Variants in PPCS observed in about 807,000 individuals in gnomAD.
PPCS encodes the protein phosphopantothenate--cysteine ligase.
PPCS carries 17 observed loss-of-function variants against 24.6 expected under a neutral mutation model. That is an observed-to-expected ratio of 0.69 (90% CI 0.47 to 1.04). The LOEUF is 1.04. Among genes scored for constraint, PPCS ranks in the 50% least tolerant of loss-of-function variants. The probability of loss-of-function intolerance (pLI) is 0.00; values close to 1 mark genes in which losing one functional copy is unlikely to be tolerated. For missense variants in PPCS, 360 were observed against 402.8 expected (o/e 0.89, Z 0.91); for synonymous variants, 190 against 168.3 (o/e 1.13, Z -1.00).
chr1:42,473,280 A>G, exon 3 of PPCS: 1 of 1,231,438 alleles, frequency 8.1e-7, no homozygotes, highest in Non-Finnish European at 1.0e-6. Flanking sequence ...GCTTATAGTG[A>G]AGCACATGGG....
chr1:42,469,679 T>G (rs1450774329), intron 2 of PPCS, among the ~76,000 whole-genome samples: 1 of 151,994 alleles, frequency 6.6e-6, no homozygotes, highest in Admixed American at 6.6e-5. Context: ...ATCAGGAGGA[T>G]GGGAAGCTCT....
At chr1:42,472,502 G>A (rs763988744) in intron 2 of PPCS, among the ~76,000 whole-genome samples, 2 of 152,088 alleles carry the variant, frequency 1.3e-5, no homozygotes, top group Non-Finnish European at 2.9e-5. Context: ...AGAATTAGGG[G>A]CCTCTCTAGC....
intron 2 of PPCS, among the ~76,000 whole-genome samples, chr1:42,466,698 C>T (rs1357156127): frequency 6.6e-6 from 1 of 151,714 alleles, no homozygotes; most frequent in African/African-American, 2.4e-5. Context: ...ATTACAGGCA[C>T]CCGCCACCAT....
rs556040209 is a variant in PPCS at position 42,473,162 on chromosome 1, A to G, written n.418A>G. On this transcript the variant is annotated non_coding_transcript_exon_variant, in exon 3 of 3. Transcript: ENST00000471420. ...GAAGACATACTTCACCATCTTGAAA[A>G]AGAAGAAATCAATCCCCTTGCTACT... is the stretch of plus-strand genomic sequence containing the variant. The G allele has an allele frequency of 2.0e-5, 24 of 1,230,692 alleles. 1 individual carries two copies. In the African/African-American group the frequency reaches 2.8e-4, roughly 14 times the overall value. 76.2% of individuals were successfully genotyped at this position (1,230,692 alleles called of 1,614,324 possible).
chr1:42,468,312 A>C (rs1352604534), intron 2 of PPCS, among the ~76,000 whole-genome samples: 1 of 152,244 alleles, frequency 6.6e-6, no homozygotes, highest in Non-Finnish European at 1.5e-5. Context: ...CATCCATGGC[A>C]TGTGGTTTCC....
exon 3 of PPCS, chr1:42,473,337 C>T: frequency 8.8e-7 from 1 of 1,141,148 alleles, no homozygotes; most frequent in Non-Finnish European, 1.1e-6. Context: ...TTAAAGACAC[C>T]TGTGATTTTG....
chr1:42,472,066 C>A (rs1643786624), intron 2 of PPCS, among the ~76,000 whole-genome samples: 1 of 151,962 alleles, frequency 6.6e-6, no homozygotes, highest in Non-Finnish European at 1.5e-5. Context: ...CGAGCCTGAC[C>A]AACATGGTGA....
chr1:42,465,039 G>A (rs1569652244), downstream of PPCS, among the ~76,000 whole-genome samples: 1 of 152,214 alleles, frequency 6.6e-6, no homozygotes, highest in Non-Finnish European at 1.5e-5. Flanking sequence ...ATGCTATATT[G>A]TAAGGGGCTT....
intron 2 of PPCS, among the ~76,000 whole-genome samples, chr1:42,471,474 T>C (rs564101507): frequency 2.6e-5 from 4 of 152,374 alleles, no homozygotes; most frequent in East Asian, 1.9e-4. Context: ...ATAGTTATAA[T>C]AATACTTTTG....
At chr1:42,456,494 C>T, upstream of PPCS, 1 of 1,406,172 alleles carries the variant, frequency 7.1e-7, no homozygotes, top group Non-Finnish European at 9.3e-7. Flanking sequence ...GCGGCGCGTA[C>T]ACCAGGTAGG....
chr1:42,465,836 C>G (rs899664370), downstream of PPCS, among the ~76,000 whole-genome samples: 5 of 152,178 alleles, frequency 3.3e-5, no homozygotes, highest in African/African-American at 1.2e-4. Flanking sequence ...ACTGCCTCCA[C>G]AACAGCTCAG....
At chr1:42,459,326 C>G (rs1643337983) in intron 2 of PPCS, 1 of 371,758 alleles carries the variant, frequency 2.7e-6, no homozygotes, top group Non-Finnish European at 4.9e-6. Flanking sequence ...CCATGCTTGG[C>G]TAATTTTTGT....
rs1643379444 is a variant in PPCS at position 42,460,415 on chromosome 1, ATGTTT to A, written c.*500_*504del. On this transcript the variant is annotated 3_prime_UTR_variant, in exon 3 of 3. Coordinates refer to ENST00000372561, the MANE Select transcript of PPCS (RefSeq NM_024664.4). Reference sequence around the variant, plus strand: ...TCCAAAAGCTGACACAATGGAAAGGATGTTTTGTTTTGTTTGAAATTTATCAAATA... The same window carrying A: ...TCCAAAAGCTGACACAATGGAAAGGATGTTTTGTTTGAAATTTATCAAATA... 9 of 984,692 alleles carry A rather than the reference ATGTTT, an allele frequency of 9.1e-6. No homozygotes were observed. In the South Asian group the frequency reaches 4.2e-4, roughly 46 times the overall value. 61.0% of individuals were successfully genotyped at this position (984,692 alleles called of 1,614,324 possible).
downstream of PPCS, among the ~76,000 whole-genome samples, chr1:42,461,445 A>G (rs1378253445): frequency 6.6e-6 from 1 of 152,096 alleles, no homozygotes; most frequent in Non-Finnish European, 1.5e-5. Flanking sequence ...AAGCACTCCT[A>G]CTGCCACAGC....
chr1:42,467,761 T>C (rs1040061128), intron 2 of PPCS: 5 of 152,232 alleles, frequency 3.3e-5, no homozygotes. Context: ...CATGTACAAC[T>C]GACTGAATGG....
rs1006866015 is a variant in PPCS, at chr1:42,461,068, A to G, written c.*1142A>G. Among the ~76,000 whole-genome samples the G allele has an allele frequency of 6.6e-6, 1 of 152,246 alleles. No individual in the cohort carries two copies. Reference sequence around the variant, plus strand: ...ATGATCTGTAGGATAGTCCAGGTGCAATTTGAAAAATTAGCATTGATGACT... The same window carrying G: ...ATGATCTGTAGGATAGTCCAGGTGCGATTTGAAAAATTAGCATTGATGACT... On this transcript the variant is annotated 3_prime_UTR_variant, in exon 3 of 3. Transcript: ENST00000372561.
At position 42,457,093 on chromosome 1, in the gene PPCS, C is replaced by G. The variant is rs752695934; in HGVS notation, c.508+20C>G. 1.3e-6 allele frequency: 2 copies of G among 1,579,318 alleles called. No individual in the cohort carries two copies. Among genetic ancestry groups the G allele is most frequent in the Non-Finnish European group, 1.7e-6 (2 of 1,165,940 alleles). ...CGCTAGGTGCGTGCCCTAGGAGTAC[C>G]CCTTTTGCCTGGAAGCACAGCCTTT... On this transcript the variant is annotated intron_variant, in intron 1 of 2. Transcript: ENST00000372561.
rs774498065 is a variant in PPCS, at chr1:42,459,874, T to C, written c.884T>C (p.Ile295Thr). Residue 295 changes from isoleucine (I) to threonine (T), a missense_variant, in exon 3 of 3, where the codon ATA becomes ACA. This residue lies in a region of PPCS where 116 missense variants were observed against 168.1 expected (regional missense o/e 0.69). Transcript: ENST00000372561. ...AAAGGCGTAGAGATAGAAGAGAAGA[T>C]AGTGGATAATCTTCAGTCTCGACAC... ...IEKGVEIEEK[I>T]VDNLQSRHTA... 1.9e-6 allele frequency: 3 copies of C among 1,613,936 alleles called. No homozygotes were observed. The highest frequency in any genetic ancestry group is 1.1e-5 in the South Asian group (1 of 91,070).
chr1:42,456,458 G>T, upstream of PPCS: 2 of 1,188,114 alleles, frequency 1.7e-6, no homozygotes, highest in Non-Finnish European at 1.1e-6. Flanking sequence ...CAAAAGAAGG[G>T]TAGTGAACCG....
Sources: gnomAD v4.1 joint callset for allele counts (sites outside exome capture counted in the v4.1 genomes callset) on GRCh38, gnomAD v4.1.1 for gene constraint, gnomAD v4.1.1 regional missense constraint, MANE v1.5 for transcripts, NCBI Gene and HGNC (gene_info 2026-07-23, HGNC 2026-07-21) for gene names.